Variants in GRK5 observed in about 807,000 individuals in gnomAD.
The protein encoded by GRK5 is g protein-coupled receptor kinase GRK5.
Under a neutral mutation model 78.4 loss-of-function variants are expected in GRK5, and 40 were observed. That is an observed-to-expected ratio of 0.51 (90% CI 0.40 to 0.66). The LOEUF is 0.66. GRK5 is among the 30% of genes least tolerant of loss of function. The probability of loss-of-function intolerance (pLI) is 0.00; values close to 1 mark genes in which losing one functional copy is unlikely to be tolerated. For missense variants in GRK5, 598 were observed against 759.9 expected, an observed-to-expected ratio of 0.79 and a Z score of 2.50; for synonymous variants, 289 against 296.8, an observed-to-expected ratio of 0.97 and a Z score of 0.27.
Position 119,410,789 on chromosome 10 carries a change from G to C in GRK5, c.340-12377G>C, listed in dbSNP as rs573870482. Among the ~76,000 whole-genome samples, 7 of 151,704 alleles carry C rather than the reference G, an allele frequency of 4.6e-5. 1 individual carries two copies. The highest frequency in any genetic ancestry group is 4.2e-4 in the South Asian group (2 of 4,716). ...AATGGCATGAGCTGGAGGATAGAAG[G>C]GTCCTCCCTATTGCCTGGCTAAACC... On this transcript the variant is annotated intron_variant, in intron 4 of 15. Coordinates refer to ENST00000392870, the MANE Select transcript of GRK5 (RefSeq NM_005308.3).
intron 1 of GRK5, among the ~76,000 whole-genome samples, chr10:119,274,035 C>T (rs919398943): frequency 1.3e-5 from 2 of 152,206 alleles, no homozygotes; most frequent in South Asian, 2.1e-4. Flanking sequence ...CGTCAACTAC[C>T]GCGCCTGGCC....
At chr10:119,369,546 T>C (rs1168609923) in intron 2 of GRK5, among the ~76,000 whole-genome samples, 1 of 152,226 alleles carries the variant, frequency 6.6e-6, no homozygotes. Context: ...TCAGTGATTT[T>C]GCAGCTGTGC....
intron 2 of GRK5, among the ~76,000 whole-genome samples, chr10:119,348,275 G>T (rs1851133047): frequency 6.6e-6 from 1 of 152,202 alleles, no homozygotes; most frequent in African/African-American, 2.4e-5. Flanking sequence ...GTCATCGGGG[G>T]AGCTCATTTG....
At chr10:119,343,514 G>A (rs1010139232) in intron 2 of GRK5, among the ~76,000 whole-genome samples, 4 of 152,248 alleles carry the variant, frequency 2.6e-5, no homozygotes, top group African/African-American at 4.8e-5. Flanking sequence ...GAAGGAAGTG[G>A]AGCCTGGATT....
chr10:119,452,903 C>T lies in GRK5; in HGVS notation c.1542+95C>T. 7.1e-7 allele frequency: 1 copy of T among 1,400,302 alleles called. No individual in the cohort carries two copies. The highest frequency in any genetic ancestry group is 2.3e-5 in the East Asian group (1 of 42,816). The allele number at this position is 1,400,302 out of a possible 1,614,324, so 86.7% of individuals were successfully genotyped here. ...GGAATATGAGTTTGGCGGCAGGAGG[C>T]TGAGCGCATGGTTTCTGTTTTCTCC... On this transcript the variant is annotated intron_variant, in intron 14 of 15. Transcript: ENST00000392870. This position sits in a 1 kb window ranked among gnomAD's most constrained non-coding sequence, Gnocchi z 4.4.
intron 1 of GRK5, among the ~76,000 whole-genome samples, chr10:119,310,238 T>C (rs1850336624): frequency 1.3e-5 from 2 of 152,126 alleles, no homozygotes; most frequent in African/African-American, 2.4e-5. Flanking sequence ...CTATGAAAAA[T>C]TGTATTTTTC....
intron 2 of GRK5, among the ~76,000 whole-genome samples, chr10:119,372,713 G>T (rs966473164): frequency 6.6e-6 from 1 of 152,074 alleles, no homozygotes; most frequent in Non-Finnish European, 1.5e-5. Context: ...CTTTCTATAT[G>T]GCCACAAGAT....
intron 1 of GRK5, among the ~76,000 whole-genome samples, chr10:119,255,801 TC>T (rs1409276933): frequency 6.6e-6 from 1 of 152,028 alleles, no homozygotes; most frequent in African/African-American, 2.4e-5. Context: ...GTGCTAGCAG[TC>T]GTAGGTACAC....
chr10:119,455,103 G>A lies in GRK5; in HGVS notation c.*36G>A. 6.8e-7 allele frequency: 1 copy of A among 1,465,210 alleles called. No individual in the cohort carries two copies. The highest frequency in any genetic ancestry group is 1.4e-5 in the African/African-American group (1 of 72,054). 90.8% of individuals were successfully genotyped at this position (1,465,210 alleles called of 1,614,324 possible). On this transcript the variant is annotated 3_prime_UTR_variant, in exon 16 of 16. Transcript: ENST00000392870. ...GGCCTCCAAGTCCACAGTGGAACCA[G>A]CCCAGACCCTTCTCCTTAGAAGTGG...
intron 1 of GRK5, among the ~76,000 whole-genome samples, chr10:119,299,768 G>A (rs1850142831): frequency 6.7e-6 from 1 of 150,242 alleles, no homozygotes; most frequent in Non-Finnish European, 1.5e-5. Context: ...CCCCTGCAGT[G>A]TGTCACAGAC....
At position 119,217,865 on chromosome 10, in the gene GRK5, G is replaced by T. The variant is rs1389953589; in HGVS notation, c.52+9896G>T. Among the ~76,000 whole-genome samples, 2 of 152,164 alleles carry T rather than the reference G, an allele frequency of 1.3e-5. No homozygotes were observed. Among genetic ancestry groups the T allele is most frequent in the African/African-American group, 4.8e-5 (2 of 41,428 alleles). Reference sequence around the variant, plus strand: ...ACCTTATGTGCAGGCTCAGGTTTCTGCAGCTCTCTTTACTTACTACCCAAG... The same window carrying T: ...ACCTTATGTGCAGGCTCAGGTTTCTTCAGCTCTCTTTACTTACTACCCAAG... On this transcript the variant is annotated intron_variant, in intron 1 of 15. Transcript: ENST00000392870. This position sits in a 1 kb window ranked among gnomAD's most constrained non-coding sequence, Gnocchi z 4.1.
intron 2 of GRK5, among the ~76,000 whole-genome samples, chr10:119,366,392 T>G (rs552689580): frequency 1.3e-5 from 2 of 152,148 alleles, no homozygotes; most frequent in Admixed American, 1.3e-4. Context: ...TACAGCTTAG[T>G]TGGGGAGGCA....
intron 3 of GRK5, among the ~76,000 whole-genome samples, chr10:119,387,094 T>G (rs1039726931): frequency 6.6e-6 from 1 of 152,074 alleles, no homozygotes; most frequent in Admixed American, 6.6e-5. Context: ...AGCCTCCGCC[T>G]CTTGGGTTCA....
At position 119,412,362 on chromosome 10, in the gene GRK5, C is replaced by T. The variant is rs1852363951; in HGVS notation, c.340-10804C>T. Among the ~76,000 whole-genome samples the T allele has an allele frequency of 6.6e-6, 1 of 152,166 alleles. No individual in the cohort carries two copies. The highest frequency in any genetic ancestry group is 1.5e-5 in the Non-Finnish European group (1 of 68,042). On this transcript the variant is annotated intron_variant, in intron 4 of 15. Coordinates refer to ENST00000392870, the MANE Select transcript of GRK5 (RefSeq NM_005308.3). The surrounding 1 kb of genome is among the most constrained non-coding windows in gnomAD (Gnocchi z 4.3). ...TGCAGTCCATCGCCTGGGCTGACCA[C>T]GAGGACACCCCGGTGAAGAGCTGGG...
At chr10:119,387,294 G>A (rs551989120) in intron 3 of GRK5, among the ~76,000 whole-genome samples, 6 of 152,254 alleles carry the variant, frequency 3.9e-5, no homozygotes, top group Non-Finnish European at 5.9e-5. Flanking sequence ...GTGAGCCACC[G>A]TGCCCGGCCT....
chr10:119,315,950 TGCATTA>T (rs1850480244), intron 1 of GRK5, among the ~76,000 whole-genome samples: 1 of 152,210 alleles, frequency 6.6e-6, no homozygotes, highest in Non-Finnish European at 1.5e-5. Flanking sequence ...TGTGGTCCCC[TGCATTA>T]GCATAATGCT....
rs188913184 is a variant in GRK5 at position 119,437,795 on chromosome 10, A to G, written c.929+954A>G. ...AAGTTCTCCTTGACCGTAAGTCTCT[A>G]AGTGTTAAAATAACTTCTCTGGCCG... On this transcript the variant is annotated intron_variant, in intron 9 of 15. Transcript: ENST00000392870. 5.3e-5 allele frequency among the ~76,000 whole-genome samples: 8 copies of G among 152,330 alleles called. No individual in the cohort carries two copies. The East Asian group carries it at 1.5e-3, about 29-fold the overall frequency.
At chr10:119,450,810 C>T (rs79655865) in intron 13 of GRK5, among the ~76,000 whole-genome samples, 6,113 of 152,188 alleles carry the variant, frequency 0.04, 233 homozygotes, top group Non-Finnish European at 0.055. Context: ...AGCCGTGTAC[C>T]CTGTGGCCCA....
chr10:119,300,266 T>C (rs1850153499), intron 1 of GRK5, among the ~76,000 whole-genome samples: 1 of 152,214 alleles, frequency 6.6e-6, no homozygotes, highest in Non-Finnish European at 1.5e-5. Context: ...GGAAGGAGAA[T>C]ATAAGTCGTC....
Sources: allele counts gnomAD v4.1 joint callset (sites outside exome capture counted in the v4.1 genomes callset), GRCh38; gene constraint gnomAD v4.1.1; non-coding constraint Gnocchi (gnomAD v3.1); transcripts MANE v1.5; gene names NCBI Gene and HGNC (gene_info 2026-07-23, HGNC 2026-07-21).